CORO7: variants seen among roughly 807,000 people sequenced by gnomAD.
The protein encoded by CORO7 is coronin-7.
In CORO7, 107 loss-of-function variants were observed where a neutral mutation model predicts 126.6. That is an observed-to-expected ratio of 0.85 (90% CI 0.72 to 0.99). The LOEUF (loss-of-function observed/expected upper bound fraction) is 0.99. CORO7 is among the 50% of genes least tolerant of loss of function. CORO7 has a pLI of 0.00. For missense variants in CORO7, 1,314 were observed against 1,255.8 expected (o/e 1.05, Z -0.70); for synonymous variants, 603 against 536.8 (o/e 1.12, Z -1.70).
chr16:4,389,530 C>T (rs547938606), intron 7 of CORO7, among the ~76,000 whole-genome samples: 2 of 152,120 alleles, frequency 1.3e-5, no homozygotes, highest in Non-Finnish European at 2.9e-5. Flanking sequence ...CCTGGGGCCC[C>T]CTCCCCAGCC....
At chr16:4,386,610 C>T (rs1473169609) in intron 9 of CORO7, among the ~76,000 whole-genome samples, 1 of 152,200 alleles carries the variant, frequency 6.6e-6, no homozygotes, top group African/African-American at 2.4e-5. Context: ...CCACTGACTC[C>T]TCCCTGAATC....
chr16:4,374,858 T>G (rs571603421), intron 9 of CORO7, among the ~76,000 whole-genome samples: 19 of 152,210 alleles, frequency 1.2e-4, no homozygotes, highest in African/African-American at 4.6e-4. Context: ...CTGGCGGCCT[T>G]CCTTGGTGAC....
chr16:4,372,675 G>A (rs902150819), intron 9 of CORO7, among the ~76,000 whole-genome samples: 1 of 152,202 alleles, frequency 6.6e-6, no homozygotes, highest in African/African-American at 2.4e-5. Context: ...TCCCTGGGCT[G>A]GCAGTGCTGG....
rs1345401548 is a variant in CORO7, at chr16:4,361,424, G to A, written c.1624C>T (p.Gln542Ter). ...AGATCAGTCACAGCTGCCCCATTCT[G>A]CAGCGTGGGCAGTGCCGTGTCGGGC... ...RLPDTALPTLQNGAAVTDLAW... is the reference protein window; with the variant it reads ...RLPDTALPTL Residue 542 changes from glutamine to a stop codon, truncating the protein, a stop_gained, in exon 17 of 28, where the codon CAG (glutamine) becomes TAG (stop). Transcript: ENST00000251166. LOFTEE classifies it high-confidence loss of function. 2.5e-6 allele frequency: 4 copies of A among 1,611,880 alleles called. No homozygotes were observed. The highest frequency in any genetic ancestry group is 1.1e-5 in the South Asian group (1 of 91,028).
In CORO7 at chr16:4,365,007, G is replaced by A; in HGVS notation, c.894C>T (p.Ser298=). ...YEVVPQQPAL[S]PVTQCVLESV... The stretch of plus-strand genomic sequence containing the variant: ...GGGCGAGGAAGCAAGGCTTACCTGG[G>A]CTCAGCGCCGGCTGCTGCGGGACCA... The change falls in exon 11 of 28, where the codon AGC becomes AGT. Residue 298 remains serine (S), a synonymous_variant. Coordinates refer to ENST00000251166, the MANE Select transcript of CORO7 (RefSeq NM_024535.5). 1.2e-6 allele frequency: 2 copies of A among 1,606,086 alleles called. No individual in the cohort carries two copies. Among genetic ancestry groups the A allele is most frequent in the Non-Finnish European group, 1.7e-6 (2 of 1,176,782 alleles).
chr16:4,389,979 G>A (rs774184999), intron 7 of CORO7, among the ~76,000 whole-genome samples: 4 of 152,362 alleles, frequency 2.6e-5, no homozygotes, highest in Admixed American at 2.6e-4. Flanking sequence ...GGGGGAAGCA[G>A]TGCCCCTCAC....
chr16:4,360,130 C>T, intron 21 of CORO7, 148 bp downstream of exon 21: 1 of 925,660 alleles, frequency 1.1e-6, no homozygotes, highest in Non-Finnish European at 1.7e-6. Flanking sequence ...CACCCATCTA[C>T]CCACTCATCC....
chr16:4,371,896 T>A (rs2054544428), intron 9 of CORO7: 1 of 152,002 alleles, frequency 6.6e-6, no homozygotes, highest in Non-Finnish European at 1.5e-5. Flanking sequence ...TCGAACGCAG[T>A]TGCTTCGGGA....
intron 9 of CORO7, chr16:4,382,717 C>G: frequency 6.4e-7 from 1 of 1,551,012 alleles, no homozygotes; most frequent in Non-Finnish European, 8.7e-7. Flanking sequence ...GGACAAAGGG[C>G]AGGTGGGGCC....
At chr16:4,359,684 A>G (rs2054096659) in intron 21 of CORO7, 63 bp from the exon 22 acceptor site, 2 of 1,531,204 alleles carry the variant, frequency 1.3e-6, no homozygotes, top group East Asian at 4.5e-5. Context: ...GGGCAGGGAG[A>G]AGGCGCCCAC....
At chr16:4,407,059 T>C (rs1288140702) in intron 5 of CORO7, among the ~76,000 whole-genome samples, 2 of 152,222 alleles carry the variant, frequency 1.3e-5, no homozygotes, top group East Asian at 3.9e-4. Context: ...GCAATACTCT[T>C]GCCGCAGCCT....
In CORO7 at chr16:4,414,575, T is replaced by A. The variant is rs182442675; in HGVS notation, c.61-1171A>T. ...TACAGCATCAGTCCCACCCTATTAT[T>A]TCTCCCTCCTGATTCATGTTTACTG... On this transcript the variant is annotated intron_variant, in intron 1 of 27. Coordinates refer to ENST00000251166, the MANE Select transcript of CORO7 (RefSeq NM_024535.5). 3.3e-5 allele frequency: 5 copies of A among 152,314 alleles called. No homozygotes were observed. The East Asian group carries it at 9.7e-4, about 29-fold the overall frequency. The allele number at this position is 152,314 out of a possible 1,614,324, so 9.4% of individuals were successfully genotyped here.
chr16:4,382,348 C>T (rs1174682691), intron 9 of CORO7: 4 of 1,611,862 alleles, frequency 2.5e-6, no homozygotes, highest in Non-Finnish European at 3.4e-6. Context: ...CTCCGTGCAG[C>T]TCAGGAGCCT....
intron 9 of CORO7, among the ~76,000 whole-genome samples, chr16:4,375,229 T>C (rs1249995674): frequency 6.6e-6 from 1 of 152,100 alleles, no homozygotes; most frequent in Non-Finnish European, 1.5e-5. Context: ...ACGGTGCTAC[T>C]GAAGGCACCC....
chr16:4,374,301 G>A (rs1380520724), intron 9 of CORO7, among the ~76,000 whole-genome samples: 1 of 152,020 alleles, frequency 6.6e-6, no homozygotes, highest in Non-Finnish European at 1.5e-5. Flanking sequence ...CTTTCCCTCC[G>A]CGCTGGGCCG....
At chr16:4,394,448 CAA>C (rs569253246) in intron 7 of CORO7, among the ~76,000 whole-genome samples, 11 of 61,698 alleles carry the variant, frequency 1.8e-4, no homozygotes, top group African/African-American at 3.8e-4. Flanking sequence ...GACTCCGTCT[CAA>C]AAAAAAAAAA....
intron 9 of CORO7, chr16:4,381,728 C>A: frequency 6.2e-7 from 1 of 1,605,900 alleles, no homozygotes; most frequent in Non-Finnish European, 8.5e-7. Context: ...GGCGACCTCT[C>A]GGGCCTCTTC....
intron 9 of CORO7, among the ~76,000 whole-genome samples, chr16:4,373,772 A>G (rs895389744): frequency 6.6e-6 from 1 of 152,154 alleles, no homozygotes; most frequent in African/African-American, 2.4e-5. Flanking sequence ...GGAACAAGAA[A>G]GCAGGGCCCT....
rs1300478088 is a variant in CORO7 at position 4,377,826 on chromosome 16, A to G, written c.785+10160T>C. Among the ~76,000 whole-genome samples the G allele has an allele frequency of 2.6e-5, 4 of 152,054 alleles. No homozygotes were observed. The East Asian group carries it at 7.7e-4, about 29-fold the overall frequency. On this transcript the variant is annotated intron_variant, in intron 9 of 27. Coordinates refer to ENST00000251166, the MANE Select transcript of CORO7 (RefSeq NM_024535.5). The stretch of plus-strand genomic sequence containing the variant: ...GCTCAGGCAAAAGAGCTCACCGCAC[A>G]TTTTACGGGGCTGGGAAGCAGGCTG...
Sources: gnomAD v4.1 joint callset for allele counts (sites outside exome capture counted in the v4.1 genomes callset) on GRCh38, gnomAD v4.1.1 for gene constraint, MANE v1.5 for transcripts, NCBI Gene and HGNC (gene_info 2026-07-23, HGNC 2026-07-21) for gene names.